The following LAPTM4B variants were observed in gnomAD, a reference collection of about 807,000 sequenced individuals.
LAPTM4B encodes the protein lysosomal protein transmembrane 4 beta, also known as lysosomal-associated transmembrane protein 4B.
In LAPTM4B, 26 loss-of-function variants were observed where a neutral mutation model predicts 28.5. The ratio of observed to expected loss-of-function variants is 0.91; its 90% CI spans 0.67 to 1.27. LAPTM4B has a LOEUF of 1.27. LAPTM4B is among the 50% of genes most tolerant of loss of function. LAPTM4B has a pLI of 0.00. For missense variants in LAPTM4B, 288 were observed against 285.8 expected, an observed-to-expected ratio of 1.01 and a Z score of -0.06; for synonymous variants, 109 against 106.4, an observed-to-expected ratio of 1.02 and a Z score of -0.15.
Position 97,852,345 on chromosome 8 carries a change from G to T in LAPTM4B, c.*871G>T, listed in dbSNP as rs1158969136. The T allele has an allele frequency of 6.6e-6, 1 of 152,190 alleles. No individual in the cohort carries two copies. Among genetic ancestry groups the T allele is most frequent in the African/African-American group, 2.4e-5 (1 of 41,408 alleles). 9.4% of individuals were successfully genotyped at this position (152,190 alleles called of 1,614,324 possible). ...TACTTCTGCCTAACAACATGGAAAA[G>T]GGTTTTCTTTTCCCTGCAAGCTACA... On this transcript the variant is annotated 3_prime_UTR_variant, in exon 7 of 7. Transcript: ENST00000521545.
chr8:97,778,181 TTC>T (rs1816256653), intron 1 of LAPTM4B, among the ~76,000 whole-genome samples: 1 of 152,222 alleles, frequency 6.6e-6, no homozygotes, highest in Non-Finnish European at 1.5e-5. Context: ...TTAGAAAGCT[TTC>T]TAGCAGATGT....
At chr8:97,803,831 TGG>T (rs1043672253) in intron 1 of LAPTM4B, among the ~76,000 whole-genome samples, 6 of 151,966 alleles carry the variant, frequency 3.9e-5, no homozygotes, top group African/African-American at 1.5e-4. Context: ...TTTGTTGAGA[TGG>T]GGTCTCACTG....
intron 1 of LAPTM4B, among the ~76,000 whole-genome samples, chr8:97,796,076 A>G (rs1271267675): frequency 6.6e-6 from 1 of 152,084 alleles, no homozygotes; most frequent in African/African-American, 2.4e-5. Context: ...AGTAGCTGGG[A>G]CTACAGGCAT....
chr8:97,852,185 A>G lies in LAPTM4B; in HGVS notation c.*711A>G, dbSNP rs1327083995. On this transcript the variant is annotated 3_prime_UTR_variant, in exon 7 of 7. Coordinates refer to ENST00000521545, the MANE Select transcript of LAPTM4B (RefSeq NM_018407.6). Reference sequence around the variant, plus strand: ...GTGGAATGGATGTGTTTGGCGCTGCATGGGATCTGGTGCCCCTCTTCTCCT... The same window carrying G: ...GTGGAATGGATGTGTTTGGCGCTGCGTGGGATCTGGTGCCCCTCTTCTCCT... The G allele has an allele frequency of 6.6e-6, 1 of 152,404 alleles. No homozygotes were observed. The highest frequency in any genetic ancestry group is 1.5e-5 in the Non-Finnish European group (1 of 68,244). The allele number at this position is 152,404 out of a possible 1,614,324, so 9.4% of individuals were successfully genotyped here.
At chr8:97,830,165 T>G (rs1041986582) in intron 6 of LAPTM4B, among the ~76,000 whole-genome samples, 1 of 151,988 alleles carries the variant, frequency 6.6e-6, no homozygotes, top group Non-Finnish European at 1.5e-5. Flanking sequence ...CCAACAATTT[T>G]TTGCTAAGAA....
intron 2 of LAPTM4B, 89 bp from the exon 3 acceptor site, chr8:97,815,239 C>T (rs1185258049): frequency 2.2e-6 from 2 of 915,392 alleles, no homozygotes; most frequent in Non-Finnish European, 3.6e-6. Context: ...AGTTTATTTA[C>T]AAAATGCCTT....
chr8:97,801,586 T>C (rs529656197), intron 1 of LAPTM4B, among the ~76,000 whole-genome samples: 5 of 152,308 alleles, frequency 3.3e-5, no homozygotes, highest in Admixed American at 2.6e-4. Flanking sequence ...TTGGGTGCAG[T>C]GGCTCACACC....
intron 6 of LAPTM4B, among the ~76,000 whole-genome samples, chr8:97,832,059 G>T (rs1817190688): frequency 6.6e-6 from 1 of 152,058 alleles, no homozygotes; most frequent in Non-Finnish European, 1.5e-5. Flanking sequence ...ACTTCTAGTT[G>T]TTTTTTTCCA....
intron 1 of LAPTM4B, among the ~76,000 whole-genome samples, chr8:97,797,612 G>A (rs1343428310): frequency 6.6e-6 from 1 of 152,154 alleles, no homozygotes. Context: ...AGTCTGCAGT[G>A]ATCATTTTTG....
chr8:97,782,950 T>TTTA (rs1563599721), intron 1 of LAPTM4B, among the ~76,000 whole-genome samples: 43 of 67,496 alleles, frequency 6.4e-4, no homozygotes, highest in African/African-American at 2.0e-3. Flanking sequence ...TTATTTATTT[T>TTTA]TTAGTAGAGA....
At chr8:97,805,596 T>C (rs10504978) in intron 2 of LAPTM4B, 132 bp downstream of exon 2, 15,692 of 644,604 alleles carry the variant, frequency 0.024, 1,133 homozygotes, top group African/African-American at 0.19. Context: ...TCAACGAATA[T>C]TTGTGTGCGT....
chr8:97,786,403 G>T (rs1049530986), intron 1 of LAPTM4B, among the ~76,000 whole-genome samples: 9 of 76,260 alleles, frequency 1.2e-4, no homozygotes, highest in African/African-American at 5.9e-4. Context: ...ACATAACATT[G>T]AACTTAAAAA....
chr8:97,799,085 A>G (rs1470187646), intron 1 of LAPTM4B, among the ~76,000 whole-genome samples: 2 of 152,112 alleles, frequency 1.3e-5, no homozygotes, highest in East Asian at 1.9e-4. Flanking sequence ...CTCCATGTGG[A>G]AAGGTCTTGG....
At chr8:97,825,822 T>C (rs1435136645) in intron 6 of LAPTM4B, among the ~76,000 whole-genome samples, 1 of 152,180 alleles carries the variant, frequency 6.6e-6, no homozygotes, top group Non-Finnish European at 1.5e-5. Context: ...CACTGCCTGA[T>C]GTAATGCACA....
chr8:97,805,523 T>TA, intron 2 of LAPTM4B, 59 bp downstream of exon 2: 2 of 914,608 alleles, frequency 2.2e-6, no homozygotes, highest in East Asian at 2.4e-5. Flanking sequence ...CAGCACTTCC[T>TA]ATTAAATTAC....
intron 1 of LAPTM4B, among the ~76,000 whole-genome samples, chr8:97,796,162 G>A (rs1043147550): frequency 6.6e-5 from 10 of 152,160 alleles, no homozygotes; most frequent in Admixed American, 1.3e-4. Context: ...GCTGGTCTCC[G>A]ATTCCTGACC....
At chr8:97,785,004 A>G (rs989016241) in intron 1 of LAPTM4B, among the ~76,000 whole-genome samples, 3 of 152,182 alleles carry the variant, frequency 2.0e-5, no homozygotes, top group African/African-American at 7.2e-5. Context: ...GTTTCCCCTC[A>G]TCTAATAAAG....
Position 97,819,341 on chromosome 8 carries a change from T to A in LAPTM4B, c.507+103T>A, listed in dbSNP as rs576065827. On this transcript the variant is annotated intron_variant, in intron 5 of 6. Transcript: ENST00000521545. ...TCAGTTTATTGTCTTTCTTTGGACA[T>A]CCAAATTGCTTTTTGATTTCCTAAG... The A allele has an allele frequency of 2.8e-4, 185 of 670,870 alleles. No homozygotes were observed. In the African/African-American group the frequency reaches 2.9e-3, roughly 11 times the overall value. The allele number at this position is 670,870 out of a possible 1,614,324, so 41.6% of individuals were successfully genotyped here. A position where few individuals can be genotyped will look rare whatever the true frequency, so the allele number is the denominator to read the frequency against.
At chr8:97,780,356 C>T (rs1212699892) in intron 1 of LAPTM4B, among the ~76,000 whole-genome samples, 1 of 151,966 alleles carries the variant, frequency 6.6e-6, no homozygotes, top group Admixed American at 6.6e-5. Flanking sequence ...ACCCAGGAGG[C>T]GGAGGTTGCA....
Sources: gnomAD v4.1 joint callset for allele counts (sites outside exome capture counted in the v4.1 genomes callset) on GRCh38, gnomAD v4.1.1 for gene constraint, MANE v1.5 for transcripts, NCBI Gene and HGNC (gene_info 2026-07-23, HGNC 2026-07-21) for gene names.